The following SCN9A variants were observed in gnomAD, a reference collection of about 807,000 sequenced individuals.
The protein encoded by SCN9A is sodium voltage-gated channel alpha subunit 9, also known as sodium channel protein type 9 subunit alpha.
In SCN9A, 131 loss-of-function variants were observed where a neutral mutation model predicts 187.0. That is an observed-to-expected ratio of 0.70 (90% CI 0.61 to 0.81). The LOEUF (loss-of-function observed/expected upper bound fraction) is 0.81. SCN9A is among the 30% of genes least tolerant of loss of function. SCN9A has a pLI of 0.00. For missense variants in SCN9A, 2,252 were observed against 2,396.6 expected, an observed-to-expected ratio of 0.94 and a Z score of 1.26; for synonymous variants, 809 against 808.6, an observed-to-expected ratio of 1.00 and a Z score of -0.01.
chr2:166,311,608 C>G lies in SCN9A; in HGVS notation c.149G>C (p.Ser50Thr). The G allele has an allele frequency of 1.2e-6, 2 of 1,613,236 alleles. No homozygotes were observed. Among genetic ancestry groups the G allele is most frequent in the Non-Finnish European group, 1.7e-6 (2 of 1,179,738 alleles). ...KDDDEEAPKP[S>T]SDLEAGKQLP... ...CTGTTTGCCAGCTTCCAAGTCACTG[C>G]TTGGCTTTGGGGCTTCTTCATCATC... Residue 50 changes from serine to threonine, a missense_variant, in exon 2 of 27, where the codon AGC (serine) becomes ACC (threonine). Physicochemically the swap from Ser to Thr is moderately conservative, Grantham distance 58. Around this residue, in one of 7 missense-constraint regions of SCN9A, gnomAD observed 1,013 missense variants for 997.4 expected, o/e 1.02. Coordinates refer to ENST00000642356, the MANE Select transcript of SCN9A (RefSeq NM_001365536.1).
chr2:166,333,926 T>C (rs961064687), intron 1 of SCN9A, among the ~76,000 whole-genome samples: 1 of 152,130 alleles, frequency 6.6e-6, no homozygotes, highest in African/African-American at 2.4e-5. Context: ...GATAAACTTT[T>C]CATCCATTTT....
At position 166,197,781 on chromosome 2, in the gene SCN9A, T is replaced by C. The variant is rs1693286720; in HGVS notation, c.*891A>G. ...TTGACAAAAGAGTTTAAGAGACTAT[T>C]ATCAGTATTTTGGGCAGCACAGTCA... On this transcript the variant is annotated 3_prime_UTR_variant, in exon 27 of 27. Coordinates refer to ENST00000642356, the MANE Select transcript of SCN9A (RefSeq NM_001365536.1). 6.6e-6 allele frequency: 1 copy of C among 152,192 alleles called. No homozygotes were observed. Among genetic ancestry groups the C allele is most frequent in the African/African-American group, 2.4e-5 (1 of 41,452 alleles). 9.4% of individuals were successfully genotyped at this position (152,192 alleles called of 1,614,324 possible).
chr2:166,291,086 T>A (rs1389010628), intron 9 of SCN9A, among the ~76,000 whole-genome samples: 1 of 152,050 alleles, frequency 6.6e-6, no homozygotes, highest in African/African-American at 2.4e-5. Context: ...GCCAGGGCAA[T>A]CAGACAAGAG....
At chr2:166,332,081 C>T (rs1699517712) in intron 1 of SCN9A, among the ~76,000 whole-genome samples, 1 of 152,104 alleles carries the variant, frequency 6.6e-6, no homozygotes, top group Admixed American at 6.6e-5. Flanking sequence ...GCCATCATCT[C>T]CTAAGCTTAT....
intron 1 of SCN9A, among the ~76,000 whole-genome samples, chr2:166,358,740 A>C (rs908955127): frequency 3.9e-5 from 6 of 152,196 alleles, no homozygotes; most frequent in Non-Finnish European, 5.9e-5. Flanking sequence ...TACTTCAAGT[A>C]CTTCATAAGT....
At chr2:166,362,118 A>G (rs1700299834) in intron 1 of SCN9A, among the ~76,000 whole-genome samples, 1 of 152,122 alleles carries the variant, frequency 6.6e-6, no homozygotes, top group Admixed American at 6.5e-5. Flanking sequence ...GAGAATCTAT[A>G]TTAGCAAAGG....
intron 3 of SCN9A, 135 bp downstream of exon 3, chr2:166,306,816 AATTAT>A: frequency 1.6e-6 from 1 of 641,250 alleles, no homozygotes; most frequent in East Asian, 2.7e-5. Flanking sequence ...ACCCATGACA[AATTAT>A]ATTAATAATA....
At position 166,236,037 on chromosome 2, in the gene SCN9A, T is replaced by A. The variant is rs539493528; in HGVS notation, c.3801+2057A>T. On this transcript the variant is annotated intron_variant, in intron 20 of 26. Coordinates refer to ENST00000642356, the MANE Select transcript of SCN9A (RefSeq NM_001365536.1). ...ATTTGTGATAATATTTTAAAGATTT[T>A]AAAATATCTAAAATATTGTATAATT... 2.6e-5 allele frequency among the ~76,000 whole-genome samples: 4 copies of A among 152,230 alleles called. No individual in the cohort carries two copies. The East Asian group carries it at 7.7e-4, about 29-fold the overall frequency.
intron 1 of SCN9A, among the ~76,000 whole-genome samples, chr2:166,313,265 G>A (rs1260644604): frequency 1.3e-5 from 2 of 152,058 alleles, no homozygotes; most frequent in Non-Finnish European, 1.5e-5. Flanking sequence ...TAACAAGAGA[G>A]TCAGCCTGTT....
At chr2:166,261,128 C>T (rs1177211750) in intron 17 of SCN9A, among the ~76,000 whole-genome samples, 2 of 151,726 alleles carry the variant, frequency 1.3e-5, no homozygotes, top group Non-Finnish European at 2.9e-5. Flanking sequence ...AGAAAATTAC[C>T]ATCCTTCAAT....
intron 1 of SCN9A, among the ~76,000 whole-genome samples, chr2:166,363,342 T>C (rs1015605965): frequency 2.0e-5 from 3 of 152,044 alleles, no homozygotes; most frequent in Non-Finnish European, 4.4e-5. Context: ...CAAAGCCTTG[T>C]AAAATGGTCT....
chr2:166,284,323 G>A lies in SCN9A; in HGVS notation c.1974+130C>T. On this transcript the variant is annotated intron_variant, in intron 12 of 26. Transcript: ENST00000642356. ...AGGATTAGGCTAATGAATCAAAGGTGTGTTCCTATAGAAAAAGTATTGCAA... is the reference window on the plus strand; with the variant it reads ...AGGATTAGGCTAATGAATCAAAGGTATGTTCCTATAGAAAAAGTATTGCAA... 2.9e-6 allele frequency: 3 copies of A among 1,037,052 alleles called. No homozygotes were observed. The Admixed American group carries it at 6.4e-5, about 22-fold the overall frequency. The allele number at this position is 1,037,052 out of a possible 1,614,324, so 64.2% of individuals were successfully genotyped here. A position where few individuals can be genotyped will look rare whatever the true frequency, so the allele number is the denominator to read the frequency against.
At chr2:166,211,269 C>A (rs1253681528) in intron 24 of SCN9A, among the ~76,000 whole-genome samples, 3 of 152,042 alleles carry the variant, frequency 2.0e-5, no homozygotes, top group Non-Finnish European at 4.4e-5. Context: ...AAAAAAACTG[C>A]TGACCAAGAA....
chr2:166,311,480 GA>G lies in SCN9A; in HGVS notation c.258+18del. 1.3e-6 allele frequency: 2 copies of G among 1,497,090 alleles called. No individual in the cohort carries two copies. The highest frequency in any genetic ancestry group is 1.8e-6 in the Non-Finnish European group (2 of 1,118,402). The allele number at this position is 1,497,090 out of a possible 1,614,324, so 92.7% of individuals were successfully genotyped here. On this transcript the variant is annotated intron_variant, in intron 2 of 26. Transcript: ENST00000642356. ...AGGAAGCCAACAGAAACTGACCACTGAAGTCAAAATAAACTCACCTTTTTGT... is the reference window on the plus strand; with the variant it reads ...AGGAAGCCAACAGAAACTGACCACTGAGTCAAAATAAACTCACCTTTTTGT...
chr2:166,373,483 T>C (rs1188687524), intron 1 of SCN9A, among the ~76,000 whole-genome samples: 4 of 152,018 alleles, frequency 2.6e-5, no homozygotes, highest in Admixed American at 1.3e-4. Context: ...CTGAACTAAT[T>C]TGGTGGCCGT....
chr2:166,214,171 G>C (rs1160440956), intron 24 of SCN9A, among the ~76,000 whole-genome samples: 3 of 152,070 alleles, frequency 2.0e-5, no homozygotes, highest in Non-Finnish European at 2.9e-5. Flanking sequence ...CCCTGACACA[G>C]AGCTTGGCTT....
intron 1 of SCN9A, among the ~76,000 whole-genome samples, chr2:166,354,321 C>G (rs929355199): frequency 1.3e-4 from 20 of 151,724 alleles, no homozygotes; most frequent in African/African-American, 4.9e-4. Flanking sequence ...AATTTAAAAA[C>G]AACACTATCT....
intron 19 of SCN9A, among the ~76,000 whole-genome samples, chr2:166,240,102 C>A (rs1372661429): frequency 6.6e-6 from 1 of 152,172 alleles, no homozygotes; most frequent in Non-Finnish European, 1.5e-5. Context: ...CTGTCATTTA[C>A]TAGCTTTGGG....
intron 1 of SCN9A, among the ~76,000 whole-genome samples, chr2:166,348,034 C>T (rs1313349448): frequency 2.0e-5 from 3 of 152,186 alleles, no homozygotes; most frequent in African/African-American, 4.8e-5. Flanking sequence ...AAGGACCAAA[C>T]CTTTTTCCTA....
Sources: gnomAD v4.1 joint callset for allele counts (sites outside exome capture counted in the v4.1 genomes callset) on GRCh38, gnomAD v4.1.1 for gene constraint, gnomAD v4.1.1 regional missense constraint, MANE v1.5 for transcripts, NCBI Gene and HGNC (gene_info 2026-07-23, HGNC 2026-07-21) for gene names.